The following TRPS1 variants were observed in gnomAD, a reference collection of about 807,000 sequenced individuals.
The protein encoded by TRPS1 is transcriptional repressor GATA binding 1.
Under a neutral mutation model 101.2 loss-of-function variants are expected in TRPS1, and 6 were observed. The observed-to-expected ratio is 0.06, with a 90% CI of 0.03 to 0.12. The LOEUF (loss-of-function observed/expected upper bound fraction) is 0.12. TRPS1 is among the 10% of genes least tolerant of loss of function. The probability of loss-of-function intolerance (pLI) is 1.00; values close to 1 mark genes in which losing one functional copy is unlikely to be tolerated. For missense variants in TRPS1, 1,363 were observed against 1,567.0 expected (o/e 0.87, Z 2.20); for synonymous variants, 578 against 589.8 (o/e 0.98, Z 0.29).
chr8:115,573,509 C>A (rs1217537963), intron 5 of TRPS1, among the ~76,000 whole-genome samples: 1 of 152,144 alleles, frequency 6.6e-6, no homozygotes, highest in Non-Finnish European at 1.5e-5. Flanking sequence ...TTCCCAACAT[C>A]ATTATCCTAG....
intron 1 of TRPS1, among the ~76,000 whole-genome samples, chr8:115,642,248 G>A (rs75180658): frequency 0.47 from 31,440 of 66,822 alleles, 6,769 homozygotes; most frequent in African/African-American, 0.68. Flanking sequence ...AAACCTGTGT[G>A]TATATATATA....
At chr8:115,613,879 A>C (rs1489124838) in intron 3 of TRPS1, among the ~76,000 whole-genome samples, 1 of 152,250 alleles carries the variant, frequency 6.6e-6, no homozygotes, top group Admixed American at 6.5e-5. Context: ...CTTAAATGTA[A>C]GACAGAAAAA....
Position 115,552,516 on chromosome 8 carries a change from T to C in TRPS1, c.2700+34485A>G, listed in dbSNP as rs1816727978. On this transcript the variant is annotated intron_variant, in intron 5 of 6. Transcript: ENST00000395715. The stretch of plus-strand genomic sequence containing the variant: ...GTGGAAAATCAAATGCATATTAAAC[T>C]AAGAATTTTATGCATAACTTTTCAA... Among the ~76,000 whole-genome samples the C allele has an allele frequency of 1.3e-5, 2 of 152,178 alleles. 1 individual carries two copies. The highest frequency in any genetic ancestry group is 4.1e-4 in the South Asian group (2 of 4,838).
At chr8:115,437,435 T>C (rs1348601495) in intron 5 of TRPS1, among the ~76,000 whole-genome samples, 2 of 152,228 alleles carry the variant, frequency 1.3e-5, no homozygotes, top group African/African-American at 4.8e-5. Context: ...TGAAAGTTTA[T>C]CTGTACTTGA....
chr8:115,482,771 A>G (rs1319697430), intron 5 of TRPS1, among the ~76,000 whole-genome samples: 1 of 152,216 alleles, frequency 6.6e-6, no homozygotes. Context: ...CAACAAAAGA[A>G]ACAAGAATAC....
intron 1 of TRPS1, among the ~76,000 whole-genome samples, chr8:115,658,321 TGA>T (rs1458105666): frequency 1.8e-4 from 27 of 152,062 alleles, no homozygotes; most frequent in Admixed American, 1.8e-3. Flanking sequence ...CCGGAACTGA[TGA>T]GTGTGACCCC....
intron 4 of TRPS1, among the ~76,000 whole-genome samples, chr8:115,596,020 A>T (rs1292762556): frequency 6.6e-6 from 1 of 151,946 alleles, no homozygotes; most frequent in Non-Finnish European, 1.5e-5. Context: ...GACACATAAC[A>T]TACACAAATT....
At chr8:115,500,007 G>A (rs1815274390) in intron 5 of TRPS1, among the ~76,000 whole-genome samples, 1 of 141,352 alleles carries the variant, frequency 7.1e-6, no homozygotes, top group African/African-American at 2.7e-5. Flanking sequence ...TATTATTTCT[G>A]AAGAGTGGTC....
intron 5 of TRPS1, among the ~76,000 whole-genome samples, chr8:115,431,740 A>C (rs62512977): frequency 6.3e-4 from 96 of 151,902 alleles, no homozygotes; most frequent in Non-Finnish European, 1.3e-3. Context: ...CACATAGATT[A>C]CACGCACAAA....
chr8:115,614,106 A>G (rs1161284583), intron 3 of TRPS1, among the ~76,000 whole-genome samples: 1 of 152,198 alleles, frequency 6.6e-6, no homozygotes, highest in Non-Finnish European at 1.5e-5. Context: ...CACTACTTGT[A>G]TATCTGTGTT....
rs374457209 is a variant in TRPS1, at chr8:115,604,340, G to C, written c.1629C>G (p.Phe543Leu). 2 of 1,614,068 alleles carry C rather than the reference G, an allele frequency of 1.2e-6. No individual in the cohort carries two copies. The highest frequency in any genetic ancestry group is 1.7e-6 in the Non-Finnish European group (2 of 1,179,974). The part of the protein sequence containing the change: ...VTSYNCQFCD[F>L]RYSKSHGPDV... Reference sequence around the variant, plus strand: ...CAGGGCCATGGCTTTTGGAATATCGGAAGTCACAGAACTGACAATTATAGC... The same window carrying C: ...CAGGGCCATGGCTTTTGGAATATCGCAAGTCACAGAACTGACAATTATAGC... The change falls in exon 4 of 7, where the codon TTC (phenylalanine) becomes TTG (leucine). Residue 543 changes from phenylalanine (F) to leucine (L), a missense_variant. Physicochemically the swap from Phe to Leu is conservative, Grantham distance 22. This residue lies in a region of TRPS1 where 1,020 missense variants were observed against 1,073.0 expected (regional missense o/e 0.95). Transcript: ENST00000395715. The surrounding 1 kb of genome is among the most constrained non-coding windows in gnomAD (Gnocchi z 4.1).
chr8:115,556,402 A>C (rs1816821595), intron 5 of TRPS1, among the ~76,000 whole-genome samples: 1 of 152,136 alleles, frequency 6.6e-6, no homozygotes, highest in African/African-American at 2.4e-5. Context: ...CAATGCCTGC[A>C]TATCCTCCAT....
intron 5 of TRPS1, among the ~76,000 whole-genome samples, chr8:115,501,661 ACTT>A (rs913006750): frequency 2.0e-5 from 3 of 152,214 alleles, no homozygotes; most frequent in Admixed American, 6.5e-5. Flanking sequence ...AAACCCAGTT[ACTT>A]CTTATTTCTC....
At chr8:115,618,971 A>G (rs1818326431) in intron 3 of TRPS1, among the ~76,000 whole-genome samples, 161 bp downstream of exon 3, 1 of 152,218 alleles carries the variant, frequency 6.6e-6, no homozygotes, top group South Asian at 2.1e-4. Context: ...ACAACTCTGA[A>G]TATACTTGTA....
intron 5 of TRPS1, among the ~76,000 whole-genome samples, chr8:115,519,428 G>A (rs1422051075): frequency 6.6e-6 from 1 of 151,468 alleles, no homozygotes; most frequent in Non-Finnish European, 1.5e-5. Context: ...CAGTTAAGGG[G>A]TTGGAATAAA....
chr8:115,625,510 T>C (rs1818486139), intron 1 of TRPS1, among the ~76,000 whole-genome samples: 1 of 151,858 alleles, frequency 6.6e-6, no homozygotes, highest in Non-Finnish European at 1.5e-5. Flanking sequence ...CCGAAGCCTA[T>C]CTTTGCCTCA....
intron 5 of TRPS1, among the ~76,000 whole-genome samples, chr8:115,530,420 G>C (rs1816101899): frequency 6.6e-6 from 1 of 152,074 alleles, no homozygotes; most frequent in African/African-American, 2.4e-5. Context: ...GGTATAGAAA[G>C]AGCACTTAAT....
Position 115,621,916 on chromosome 8 carries a change from CA to C in TRPS1, c.37+1684del, listed in dbSNP as rs745617818. Among the ~76,000 whole-genome samples, 216 of 138,396 alleles carry C rather than the reference CA, an allele frequency of 1.6e-3. 3 individuals carry two copies. The highest frequency in any genetic ancestry group is 0.013 in the Admixed American group (178 of 13,670). 90.8% of individuals were successfully genotyped at this position (138,396 alleles called of 152,430 possible). Reference sequence around the variant, plus strand: ...GGGCGACAAGAGTGAAACTCCATCTCAAAAAAAAAAACAAAAGCAAAAACAA... The same window carrying C: ...GGGCGACAAGAGTGAAACTCCATCTCAAAAAAAAAACAAAAGCAAAAACAA... On this transcript the variant is annotated intron_variant, in intron 2 of 6. Transcript: ENST00000395715.
At chr8:115,650,010 G>A (rs530845795) in intron 1 of TRPS1, among the ~76,000 whole-genome samples, 1 of 152,106 alleles carries the variant, frequency 6.6e-6, no homozygotes, top group Admixed American at 6.5e-5. Context: ...CAGGAGAGCT[G>A]GACAATCATA....
Sources: allele counts gnomAD v4.1 joint callset (sites outside exome capture counted in the v4.1 genomes callset), GRCh38; gene constraint gnomAD v4.1.1; regional missense constraint gnomAD v4.1.1; non-coding constraint Gnocchi (gnomAD v3.1); transcripts MANE v1.5; gene names NCBI Gene and HGNC (gene_info 2026-07-23, HGNC 2026-07-21).